Variants in CBLB observed in about 807,000 individuals in gnomAD.
CBLB encodes Cbl proto-oncogene B, also known as E3 ubiquitin-protein ligase CBL-B.
A neutral mutation model predicts 104.9 loss-of-function variants in CBLB; 31 were observed. The ratio of observed to expected loss-of-function variants is 0.30; its 90% confidence interval spans 0.22 to 0.40. The LOEUF is 0.40. CBLB is among the 10% of genes least tolerant of loss of function. The pLI, the probability that CBLB is intolerant of heterozygous loss-of-function variation, is 1.00. For synonymous variants in CBLB, 440 were observed against 422.6 expected, an observed-to-expected ratio of 1.04 and a Z score of -0.51; for missense variants, 1,062 against 1,214.6, an observed-to-expected ratio of 0.87 and a Z score of 1.87.
chr3:105,770,016 T>C (rs2078674764), intron 4 of CBLB, among the ~76,000 whole-genome samples: 1 of 152,136 alleles, frequency 6.6e-6, no homozygotes, highest in Non-Finnish European at 1.5e-5. Flanking sequence ...AGTTAGAATC[T>C]GTGTTTCTAA....
At position 105,736,511 on chromosome 3, in the gene CBLB, C is replaced by G. The variant is rs143219258; in HGVS notation, c.1071+660G>C. Among the ~76,000 whole-genome samples, 1,020 of 152,206 alleles carry G rather than the reference C, an allele frequency of 6.7e-3. 3 individuals carry two copies. The highest frequency in any genetic ancestry group is 0.011 in the Non-Finnish European group (717 of 67,984). On this transcript the variant is annotated intron_variant, in intron 8 of 18. Transcript: ENST00000394030. ...CTCCTGTTCATGACTTCACACAATA[C>G]AGTATGAGAACAGTAGTCTATTTTA...
chr3:105,688,287 G>A (rs1173410620), intron 13 of CBLB, among the ~76,000 whole-genome samples: 1 of 151,900 alleles, frequency 6.6e-6, no homozygotes, highest in East Asian at 1.9e-4. Flanking sequence ...TTATTACTGA[G>A]TTAATACACT....
chr3:105,667,660 T>C (rs757122855), intron 18 of CBLB, among the ~76,000 whole-genome samples: 2 of 152,214 alleles, frequency 1.3e-5, no homozygotes, highest in Non-Finnish European at 2.9e-5. Flanking sequence ...GACATACATA[T>C]ACATGCAGAC....
intron 13 of CBLB, among the ~76,000 whole-genome samples, chr3:105,692,724 A>AAGGC (rs1337324190): frequency 6.6e-6 from 1 of 151,898 alleles, no homozygotes; most frequent in African/African-American, 2.4e-5. Context: ...TGACCTGGGG[A>AAGGC]AGGCAGAAGT....
At chr3:105,858,212 C>T (rs1023918423) in intron 2 of CBLB, among the ~76,000 whole-genome samples, 16 of 152,140 alleles carry the variant, frequency 1.1e-4, no homozygotes, top group Admixed American at 9.8e-4. Context: ...CCACTGGGTG[C>T]GCAGTTCATC....
chr3:105,665,376 ACT>A (rs2064262701), intron 18 of CBLB, among the ~76,000 whole-genome samples: 1 of 147,182 alleles, frequency 6.8e-6, no homozygotes, highest in Non-Finnish European at 1.5e-5. Context: ...ACAGAGCGAG[ACT>A]CTGTCTCCAA....
intron 3 of CBLB, among the ~76,000 whole-genome samples, chr3:105,819,512 A>C (rs1228563956): frequency 2.0e-5 from 3 of 152,054 alleles, no homozygotes; most frequent in African/African-American, 7.2e-5. Flanking sequence ...GAAAGAAAGA[A>C]AAACCATAAT....
At position 105,678,572 on chromosome 3, in the gene CBLB, C is replaced by T. The variant is rs754083555; in HGVS notation, c.2429-1G>A. On this transcript the variant is annotated splice_acceptor_variant, in intron 16 of 18. Transcript: ENST00000394030. LOFTEE classifies it high-confidence loss of function. ...GGGAGGGCATCAAAAGCATCTTCACCTGCATTTAAAGAAAGGTCGATATCA... is the reference window on the plus strand; with the variant it reads ...GGGAGGGCATCAAAAGCATCTTCACTTGCATTTAAAGAAAGGTCGATATCA... The T allele has an allele frequency of 8.1e-6, 13 of 1,612,416 alleles. No individual in the cohort carries two copies. Among genetic ancestry groups the T allele is most frequent in the Non-Finnish European group, 1.0e-5 (12 of 1,179,062 alleles).
chr3:105,831,043 C>G (rs1230690610), intron 3 of CBLB, among the ~76,000 whole-genome samples: 4 of 152,132 alleles, frequency 2.6e-5, no homozygotes, highest in Non-Finnish European at 4.4e-5. Context: ...GCATGGTAAC[C>G]AGAGTAACTT....
intron 3 of CBLB, among the ~76,000 whole-genome samples, chr3:105,786,416 T>A (rs899915598): frequency 3.3e-5 from 5 of 152,182 alleles, no homozygotes; most frequent in African/African-American, 1.2e-4. Context: ...ATGTCTCCGG[T>A]ACTCTGAAAG....
chr3:105,808,566 A>G (rs558220985), intron 3 of CBLB, among the ~76,000 whole-genome samples: 1 of 152,316 alleles, frequency 6.6e-6, no homozygotes, highest in East Asian at 1.9e-4. Flanking sequence ...GGCAGGAGTC[A>G]TATTTCATAT....
At chr3:105,769,915 G>C (rs1179087696) in intron 4 of CBLB, among the ~76,000 whole-genome samples, 1 of 152,190 alleles carries the variant, frequency 6.6e-6, no homozygotes, top group Non-Finnish European at 1.5e-5. Context: ...AGACTAATCA[G>C]AAGGTTGTTG....
At position 105,656,895 on chromosome 3, in the gene CBLB, T is replaced by TG. The variant is rs546596200; in HGVS notation, c.*2074_*2075insC. ...ATTCCAAGGTGACATCTGAAACTGT[T>TG]AAAACAAGTGAAAAATCATAATGAC... On this transcript the variant is annotated 3_prime_UTR_variant, in exon 19 of 19. Coordinates refer to ENST00000394030, the MANE Select transcript of CBLB (RefSeq NM_170662.5). 1.5e-3 allele frequency: 325 copies of TG among 212,026 alleles called. 3 individuals are homozygous for TG. In the Middle Eastern group the frequency reaches 0.022, roughly 14 times the overall value. 13.1% of individuals were successfully genotyped at this position (212,026 alleles called of 1,614,324 possible). A position where few individuals can be genotyped will look rare whatever the true frequency, so the allele number is the denominator to read the frequency against.
intron 17 of CBLB, among the ~76,000 whole-genome samples, chr3:105,676,198 A>G (rs1434087032): frequency 6.6e-6 from 1 of 152,138 alleles, no homozygotes; most frequent in African/African-American, 2.4e-5. Context: ...AGGCAAATCT[A>G]TAAAATAAAT....
chr3:105,685,335 A>G lies in CBLB; in HGVS notation c.2186T>C (p.Val729Ala). 6.2e-7 allele frequency: 1 copy of G among 1,613,874 alleles called. No individual in the cohort carries two copies. The highest frequency in any genetic ancestry group is 8.5e-7 in the Non-Finnish European group (1 of 1,179,826). ...LNSQPSHCHN[V>A]KPPVRSCDNG... is the part of the protein sequence containing the mutation. ...ATACTCTTACCGAACAGGAGGTTTT[A>G]CATTATGACAATGAGATGGTTGTGA... Residue 729 changes from valine to alanine, a missense_variant, in exon 14 of 19, where the codon GTA becomes GCA. Physicochemically the swap from Val to Ala is moderately conservative, Grantham distance 64. Coordinates refer to ENST00000394030, the MANE Select transcript of CBLB (RefSeq NM_170662.5).
Position 105,868,970 on chromosome 3 carries a change from C to T in CBLB, c.-249G>A, listed in dbSNP as rs868509190. ...CGCCCGACTCGGGGAGGCCGCGGGA[C>T]GCCGCAGCAGCACTAGCAGGAGGAG... On this transcript the variant is annotated 5_prime_UTR_variant, in exon 1 of 19. Transcript: ENST00000394030. 5.2e-5 allele frequency: 53 copies of T among 1,021,766 alleles called. No homozygotes were observed. The African/African-American group carries it at 9.0e-4, about 17-fold the overall frequency. The allele number at this position is 1,021,766 out of a possible 1,614,324, so 63.3% of individuals were successfully genotyped here.
chr3:105,747,601 T>A (rs369773736), intron 5 of CBLB, among the ~76,000 whole-genome samples: 182 of 152,318 alleles, frequency 1.2e-3, no homozygotes, highest in African/African-American at 4.2e-3. Flanking sequence ...TGCATGTTTT[T>A]AATTTTCTTC....
chr3:105,788,306 A>G (rs1255820853), intron 3 of CBLB, among the ~76,000 whole-genome samples: 1 of 152,142 alleles, frequency 6.6e-6, no homozygotes, highest in African/African-American at 2.4e-5. Flanking sequence ...ATCTGCCTAT[A>G]CCATTGAAGG....
chr3:105,682,130 G>T, intron 14 of CBLB: 1 of 264,896 alleles, frequency 3.8e-6, no homozygotes, highest in South Asian at 6.2e-5. Context: ...AATAGAACCT[G>T]GTCAAGTTTT....
Sources: allele counts gnomAD v4.1 joint callset (sites outside exome capture counted in the v4.1 genomes callset), GRCh38; gene constraint gnomAD v4.1.1; transcripts MANE v1.5; gene names NCBI Gene and HGNC (gene_info 2026-07-23, HGNC 2026-07-21).